The following KIF15 variants were observed in gnomAD, a reference collection of about 807,000 sequenced individuals.
KIF15 encodes kinesin-like protein KIF15.
KIF15 carries 140 observed loss-of-function variants against 190.6 expected under a neutral mutation model. That is an observed-to-expected ratio of 0.73 (90% confidence interval 0.64 to 0.84). The LOEUF (loss-of-function observed/expected upper bound fraction) is 0.84, where lower values mean the gene tolerates loss of function less well. Ranked by LOEUF, KIF15 falls within the 40% of genes least tolerant of loss-of-function variation. The pLI, the probability that KIF15 is intolerant of heterozygous loss-of-function variation, is 0.00. For missense variants in KIF15, 1,372 were observed against 1,584.4 expected, an observed-to-expected ratio of 0.87 and a Z score of 2.28; for synonymous variants, 528 against 551.3, an observed-to-expected ratio of 0.96 and a Z score of 0.59.
At chr3:44,829,647 A>ATATGTATATATTATG in intron 24 of KIF15, among the ~76,000 whole-genome samples, 1 of 132,250 alleles carries the variant, frequency 7.6e-6, no homozygotes, top group Admixed American at 8.7e-5. Flanking sequence ...TATATATTAT[A>ATATGTATATATTATG]TATGTATATA....
chr3:44,852,168 C>T (rs1270690462), intron 33 of KIF15, 40 bp from the exon 34 acceptor site: 1 of 1,584,394 alleles, frequency 6.3e-7, no homozygotes, highest in Non-Finnish European at 8.6e-7. Flanking sequence ...AAATTAAGAC[C>T]TACTTCTCAT....
intron 1 of KIF15, among the ~76,000 whole-genome samples, chr3:44,769,941 A>G (rs1307102959): frequency 6.6e-6 from 1 of 152,190 alleles, no homozygotes; most frequent in Non-Finnish European, 1.5e-5. Context: ...AAACCTCTGG[A>G]TGACAGGCAC....
intron 6 of KIF15, chr3:44,865,307 G>A (rs1699309412): frequency 7.9e-7 from 1 of 1,271,758 alleles, no homozygotes; most frequent in Non-Finnish European, 1.1e-6. Context: ...AGGGAAGCAG[G>A]CCTCTGATGG....
intron 26 of KIF15, among the ~76,000 whole-genome samples, chr3:44,831,595 G>GT (rs1559578230): frequency 3.3e-5 from 5 of 152,098 alleles, no homozygotes; most frequent in African/African-American, 7.2e-5. Context: ...TTTTATTTTT[G>GT]TTTTTTTGAT....
chr3:44,779,195 T>C (rs1706049081), intron 4 of KIF15, among the ~76,000 whole-genome samples: 1 of 152,150 alleles, frequency 6.6e-6, no homozygotes, highest in Non-Finnish European at 1.5e-5. Context: ...CTATAGCTCA[T>C]CCTTTTGTTT....
intron 23 of KIF15, 71 bp downstream of exon 23, chr3:44,827,599 A>T (rs1697739901): frequency 2.3e-6 from 2 of 852,902 alleles, no homozygotes; most frequent in East Asian, 5.4e-5. Flanking sequence ...TAAAAGGCTT[A>T]TTATAATGAT....
rs573858520 is a variant in KIF15 at position 44,767,633 on chromosome 3, C to A, written c.19+5749C>A. Among the ~76,000 whole-genome samples the A allele has an allele frequency of 1.3e-3, 158 of 121,084 alleles. 1 individual carries two copies. The highest frequency in any genetic ancestry group is 4.8e-3 in the African/African-American group (154 of 32,134). 79.4% of individuals were successfully genotyped at this position (121,084 alleles called of 152,430 possible). A position where few individuals can be genotyped will look rare whatever the true frequency, so the allele number is the denominator to read the frequency against. On this transcript the variant is annotated intron_variant, in intron 1 of 34. Coordinates refer to ENST00000326047, the MANE Select transcript of KIF15 (RefSeq NM_020242.3). ...GAGCTCGGCTGGGCGTGGTGGCTCACGCCTGTAATCCCAGCACTTTGGGAG... is the reference window on the plus strand; with the variant it reads ...GAGCTCGGCTGGGCGTGGTGGCTCAAGCCTGTAATCCCAGCACTTTGGGAG...
chr3:44,823,247 C>T (rs1697454819), intron 20 of KIF15, among the ~76,000 whole-genome samples: 2 of 152,142 alleles, frequency 1.3e-5, no homozygotes, highest in South Asian at 4.1e-4. Flanking sequence ...TGTTAGTTTT[C>T]CTTCTAACAG....
intron 26 of KIF15, among the ~76,000 whole-genome samples, chr3:44,833,553 C>T (rs548578237): frequency 3.0e-4 from 46 of 152,144 alleles, no homozygotes; most frequent in African/African-American, 1.1e-3. Context: ...GTTAATGCTT[C>T]TGTGAGAATC....
At chr3:44,788,928 G>T (rs535770327) in intron 7 of KIF15, among the ~76,000 whole-genome samples, 1 of 152,116 alleles carries the variant, frequency 6.6e-6, no homozygotes, top group Non-Finnish European at 1.5e-5. Context: ...TTCTTCTTGG[G>T]TCAGTGTTAG....
intron 26 of KIF15, among the ~76,000 whole-genome samples, chr3:44,837,365 A>G (rs1324074346): frequency 2.0e-5 from 3 of 152,186 alleles, no homozygotes; most frequent in Admixed American, 6.5e-5. Context: ...CTAAAGAAAT[A>G]ATCTAGATAC....
intron 20 of KIF15, among the ~76,000 whole-genome samples, chr3:44,821,228 C>T (rs36070247): frequency 5.3e-5 from 8 of 149,970 alleles, no homozygotes; most frequent in African/African-American, 1.5e-4. Context: ...CCTCACCTCC[C>T]GGACGGGGCG....
intron 6 of KIF15, chr3:44,861,953 G>A: frequency 1.4e-6 from 2 of 1,406,812 alleles, no homozygotes; most frequent in Non-Finnish European, 9.2e-7. Flanking sequence ...CCTCCGGGCG[G>A]CGCCGTGTCC....
At chr3:44,864,161 G>T (rs1699294522) in intron 6 of KIF15, 1 of 1,612,068 alleles carries the variant, frequency 6.2e-7, no homozygotes, top group Non-Finnish European at 8.5e-7. Flanking sequence ...TTGCTGCCCA[G>T]GGTGGACGTG....
intron 10 of KIF15, among the ~76,000 whole-genome samples, chr3:44,799,824 A>G (rs1707179916): frequency 6.6e-6 from 1 of 151,978 alleles, no homozygotes; most frequent in South Asian, 2.1e-4. Context: ...CTGTTAAAAA[A>G]TAAAGGTCGG....
At chr3:44,861,303 A>C (rs1277708925) in intron 6 of KIF15, among the ~76,000 whole-genome samples, 1 of 152,264 alleles carries the variant, frequency 6.6e-6, no homozygotes, top group East Asian at 1.9e-4. Context: ...AAACATTCTA[A>C]ACATACGTAA....
intron 8 of KIF15, 37 bp from the exon 9 acceptor site, chr3:44,797,514 G>A (rs368407237): frequency 6.2e-6 from 10 of 1,604,390 alleles, no homozygotes; most frequent in African/African-American, 2.7e-5. Flanking sequence ...AGTAACCAAC[G>A]TACCTAAATT....
intron 7 of KIF15, among the ~76,000 whole-genome samples, chr3:44,788,334 A>G (rs1040661727): frequency 3.3e-5 from 5 of 152,198 alleles, no homozygotes; most frequent in African/African-American, 9.7e-5. Flanking sequence ...CTTCTTTAAC[A>G]TGTTAACACG....
intron 9 of KIF15, 33 bp downstream of exon 9, chr3:44,797,709 T>G (rs1559542348): frequency 1.9e-6 from 3 of 1,610,450 alleles, no homozygotes; most frequent in Non-Finnish European, 2.5e-6. Flanking sequence ...TGGGCTCCTT[T>G]TGGTTATGCT....
Sources: gnomAD v4.1 joint callset for allele counts (sites outside exome capture counted in the v4.1 genomes callset) on GRCh38, gnomAD v4.1.1 for gene constraint, MANE v1.5 for transcripts, NCBI Gene and HGNC (gene_info 2026-07-23, HGNC 2026-07-21) for gene names.